GCNT1: variants seen among roughly 807,000 people sequenced by gnomAD.
GCNT1 encodes beta-1,3-galactosyl-O-glycosyl-glycoprotein beta-1,6-N-acetylglucosaminyltransferase.
GCNT1 carries 16 observed loss-of-function variants against 26.2 expected under a neutral mutation model. The ratio of observed to expected loss-of-function variants is 0.61; its 90% CI spans 0.41 to 0.93. GCNT1 has a LOEUF of 0.93. Ranked by LOEUF, GCNT1 falls within the 40% of genes least tolerant of loss-of-function variation. The pLI, the probability that GCNT1 is intolerant of heterozygous loss-of-function variation, is 0.00. For missense variants in GCNT1, 477 were observed against 526.7 expected, an observed-to-expected ratio of 0.91 and a Z score of 0.92; for synonymous variants, 183 against 190.8, an observed-to-expected ratio of 0.96 and a Z score of 0.34.
chr9:76,427,814 G>A (rs779427961), intron 1 of GCNT1, among the ~76,000 whole-genome samples: 2 of 151,956 alleles, frequency 1.3e-5, no homozygotes, highest in South Asian at 2.1e-4. Flanking sequence ...TGGTGAAACC[G>A]CATCTCTACT....
upstream of GCNT1, among the ~76,000 whole-genome samples, chr9:76,440,162 T>C (rs1265205842): frequency 2.6e-5 from 4 of 151,914 alleles, no homozygotes; most frequent in Non-Finnish European, 4.4e-5. Context: ...GTATCTCATG[T>C]CCCAAATCTC....
At chr9:76,464,041 T>G (rs76799106) in intron 2 of GCNT1, among the ~76,000 whole-genome samples, 4 of 150,188 alleles carry the variant, frequency 2.7e-5, no homozygotes, top group Admixed American at 2.6e-4. Context: ...TTTTTTTGTT[T>G]TTTTTTTTTT....
intron 1 of GCNT1, among the ~76,000 whole-genome samples, chr9:76,430,142 G>A (rs543016326): frequency 3.7e-4 from 57 of 152,278 alleles, no homozygotes; most frequent in Non-Finnish European, 6.8e-4. Flanking sequence ...AAATTATATA[G>A]TAAAGCGTTA....
the GCNT1 span, among the ~76,000 whole-genome samples, chr9:76,410,452 T>G: frequency 6.6e-6 from 1 of 151,996 alleles, no homozygotes; most frequent in Admixed American, 6.6e-5. Context: ...ATTAATTAAT[T>G]AAAATAAAAT....
At chr9:76,453,996 T>C (rs1313643319) in intron 1 of GCNT1, among the ~76,000 whole-genome samples, 1 of 152,162 alleles carries the variant, frequency 6.6e-6, no homozygotes, top group Non-Finnish European at 1.5e-5. Flanking sequence ...GGCATTCTAA[T>C]AGAATGCTTC....
intron 2 of GCNT1, among the ~76,000 whole-genome samples, chr9:76,497,995 C>T (rs1207698376): frequency 2.0e-5 from 3 of 152,190 alleles, no homozygotes; most frequent in Non-Finnish European, 4.4e-5. Context: ...TTGCCATTCC[C>T]CCATGTCCCC....
the GCNT1 span, among the ~76,000 whole-genome samples, chr9:76,404,864 C>T: frequency 1.3e-5 from 2 of 151,736 alleles, no homozygotes; most frequent in African/African-American, 2.4e-5. Flanking sequence ...GTGGCCCAGG[C>T]TGGAGAGCAG....
upstream of GCNT1, among the ~76,000 whole-genome samples, chr9:76,454,744 G>A (rs551564926): frequency 4.0e-5 from 6 of 151,790 alleles, no homozygotes; most frequent in African/African-American, 7.3e-5. Context: ...ATCTGCCGCC[G>A]TGTAAGATGT....
chr9:76,427,368 C>A (rs941238728), intron 1 of GCNT1, among the ~76,000 whole-genome samples: 1 of 151,926 alleles, frequency 6.6e-6, no homozygotes, highest in African/African-American at 2.4e-5. Context: ...TTTGTAGAGG[C>A]AGCGTTTCAC....
chr9:76,421,600 C>CAA (rs1231879648), intron 1 of GCNT1, among the ~76,000 whole-genome samples: 52 of 56,992 alleles, frequency 9.1e-4, no homozygotes, highest in Middle Eastern at 0.014. Flanking sequence ...GGCCCTGTCT[C>CAA]AAAAAAAAAA....
At chr9:76,497,522 CACTT>C (rs1278810796) in intron 2 of GCNT1, among the ~76,000 whole-genome samples, 2 of 152,174 alleles carry the variant, frequency 1.3e-5, no homozygotes, top group Non-Finnish European at 2.9e-5. Flanking sequence ...TCTTTATAGA[CACTT>C]ACCCATCTTG....
chr9:76,460,852 C>T (rs887064677), intron 2 of GCNT1, among the ~76,000 whole-genome samples: 3 of 152,200 alleles, frequency 2.0e-5, no homozygotes, highest in Non-Finnish European at 4.4e-5. Context: ...CAACTTGGCC[C>T]TGTAAAGGAT....
chr9:76,487,622 G>A (rs1824614540), intron 2 of GCNT1, among the ~76,000 whole-genome samples: 1 of 152,170 alleles, frequency 6.6e-6, no homozygotes, highest in African/African-American at 2.4e-5. Context: ...TGCTGTGGTT[G>A]TCTGTTGGCT....
chr9:76,410,230 G>A, the GCNT1 span, among the ~76,000 whole-genome samples: 1 of 152,030 alleles, frequency 6.6e-6, no homozygotes, highest in African/African-American at 2.4e-5. Flanking sequence ...TCAGGAGTTG[G>A]AGACCAGCCT....
At chr9:76,477,116 T>C (rs1012629798) in intron 2 of GCNT1, among the ~76,000 whole-genome samples, 3 of 148,852 alleles carry the variant, frequency 2.0e-5, no homozygotes, top group South Asian at 4.7e-4. Flanking sequence ...GGTTTCACCA[T>C]GTTGGCCGGG....
At chr9:76,468,244 G>A (rs1824051771) in intron 2 of GCNT1, among the ~76,000 whole-genome samples, 1 of 152,122 alleles carries the variant, frequency 6.6e-6, no homozygotes, top group Non-Finnish European at 1.5e-5. Context: ...TTCTAAGGTG[G>A]ATAAGGAGGC....
intron 2 of GCNT1, among the ~76,000 whole-genome samples, chr9:76,491,478 A>AG (rs1345814968): frequency 6.6e-6 from 1 of 152,068 alleles, no homozygotes; most frequent in Non-Finnish European, 1.5e-5. Context: ...GGATTAGATA[A>AG]GCATACTTGC....
chr9:76,434,494 C>A (rs530770174), intron 1 of GCNT1, among the ~76,000 whole-genome samples: 1 of 152,146 alleles, frequency 6.6e-6, no homozygotes, highest in Non-Finnish European at 1.5e-5. Flanking sequence ...TTGTAAGCTG[C>A]GGATGTATGT....
chr9:76,399,190 C>T, the GCNT1 span: 2 of 1,462,638 alleles, frequency 1.4e-6, no homozygotes, highest in South Asian at 1.1e-5. Context: ...TCCCATGCAA[C>T]AACAAGGGAG....
Sources: gnomAD v4.1 joint callset for allele counts (sites outside exome capture counted in the v4.1 genomes callset) on GRCh38, gnomAD v4.1.1 for gene constraint, MANE v1.5 for transcripts, NCBI Gene and HGNC (gene_info 2026-07-23, HGNC 2026-07-21) for gene names.